Variants in ITGAX observed in about 807,000 individuals in gnomAD.
ITGAX encodes integrin alpha-X.
Under a neutral mutation model 140.2 loss-of-function variants are expected in ITGAX, and 99 were observed. The ratio of observed to expected loss-of-function variants is 0.71; its 90% CI spans 0.60 to 0.83. The LOEUF (loss-of-function observed/expected upper bound fraction) is 0.83. Ranked by LOEUF, ITGAX falls within the 40% of genes least tolerant of loss-of-function variation. The pLI is 0.00. For synonymous variants in ITGAX, 631 were observed against 600.4 expected (o/e 1.05, Z -0.75); for missense variants, 1,444 against 1,482.0 (o/e 0.97, Z 0.42).
chr16:31,382,688 A>C lies in ITGAX; in HGVS notation c.*781A>C, dbSNP rs1054406113. The C allele has an allele frequency of 6.6e-6, 4 of 606,114 alleles. No homozygotes were observed. In the African/African-American group the frequency reaches 7.4e-5, roughly 11 times the overall value. The allele number at this position is 606,114 out of a possible 1,614,324, so 37.5% of individuals were successfully genotyped here. On this transcript the variant is annotated 3_prime_UTR_variant, in exon 30 of 30. Coordinates refer to ENST00000268296, the MANE Select transcript of ITGAX (RefSeq NM_000887.5). Reference sequence around the variant, plus strand: ...GCTGAATTGGGAGTGAGATGCCTGCATGCTGGGTTCTGCACAGCTGGCCTC... The same window carrying C: ...GCTGAATTGGGAGTGAGATGCCTGCCTGCTGGGTTCTGCACAGCTGGCCTC...
At chr16:31,360,897 G>A in intron 8 of ITGAX, 166 bp from the exon 9 acceptor site, 2 of 642,966 alleles carry the variant, frequency 3.1e-6, no homozygotes, top group South Asian at 1.9e-5. Flanking sequence ...TGGAGACCAT[G>A]ATCCTTTCTC....
At chr16:31,372,337 C>CCT in intron 17 of ITGAX, 41 bp from the exon 18 acceptor site, 1 of 1,575,810 alleles carries the variant, frequency 6.3e-7, no homozygotes, top group Non-Finnish European at 8.5e-7. Flanking sequence ...CAGCTCTTAC[C>CCT]CTCCCCTTAC....
intron 14 of ITGAX, among the ~76,000 whole-genome samples, 160 bp from the exon 15 acceptor site, chr16:31,370,924 A>C (rs2080949536): frequency 6.6e-6 from 1 of 151,232 alleles, no homozygotes; most frequent in African/African-American, 2.4e-5. Flanking sequence ...TCATCTCCCA[A>C]CTCCTACCTC....
Position 31,363,018 on chromosome 16 carries a change from C to G in ITGAX, c.1443C>G (p.Pro481=). 6.2e-7 allele frequency: 1 copy of G among 1,611,806 alleles called. No homozygotes were observed. Among genetic ancestry groups the G allele is most frequent in the South Asian group, 1.1e-5 (1 of 90,978 alleles). The change falls in exon 13 of 30, where the codon CCC becomes CCG. Residue 481 remains proline, a synonymous_variant. Coordinates refer to ENST00000268296, the MANE Select transcript of ITGAX (RefSeq NM_000887.5). Reference sequence around the variant, plus strand: ...CCGACCTGGTCCTCATCGGGGCCCCCCATTACTACGAGCAGACCCGAGGGG... The same window carrying G: ...CCGACCTGGTCCTCATCGGGGCCCCGCATTACTACGAGCAGACCCGAGGGG... The part of the protein sequence containing the change: ...GSTDLVLIGA[P]HYYEQTRGGQ...
At chr16:31,373,204 C>T in intron 19 of ITGAX, 45 bp from the exon 20 acceptor site, 1 of 1,540,608 alleles carries the variant, frequency 6.5e-7, no homozygotes. Context: ...CATTTCTAGC[C>T]TCAGTCACAG....
chr16:31,365,319 A>C (rs191825533), intron 14 of ITGAX, among the ~76,000 whole-genome samples: 1 of 152,292 alleles, frequency 6.6e-6, no homozygotes, highest in Non-Finnish European at 1.5e-5. Flanking sequence ...AAACATACCA[A>C]AAGGCACTAA....
chr16:31,379,469 C>A (rs1464606477), intron 23 of ITGAX, 99 bp from the exon 24 acceptor site: 10 of 1,193,518 alleles, frequency 8.4e-6, no homozygotes, highest in Non-Finnish European at 1.2e-5. Context: ...CAGGACATTC[C>A]AAGGCCCCAC....
chr16:31,382,061 AG>A lies in ITGAX; in HGVS notation c.*158del. On this transcript the variant is annotated 3_prime_UTR_variant, in exon 30 of 30. Transcript: ENST00000268296. Reference sequence around the variant, plus strand: ...TTGGGAGAAAACGTCTTGCTTGGGAAGGGGCCTTTGTCTTGTCAAGGTTCCA... The same window carrying A: ...TTGGGAGAAAACGTCTTGCTTGGGAAGGGCCTTTGTCTTGTCAAGGTTCCA... 1 of 1,440,058 alleles carries A rather than the reference AG, an allele frequency of 6.9e-7. No homozygotes were observed. Among genetic ancestry groups the A allele is most frequent in the African/African-American group, 1.4e-5 (1 of 69,528 alleles). 89.2% of individuals were successfully genotyped at this position (1,440,058 alleles called of 1,614,324 possible). A position where few individuals can be genotyped will look rare whatever the true frequency, so the allele number is the denominator to read the frequency against.
At chr16:31,367,891 A>G (rs2080907518) in intron 14 of ITGAX, among the ~76,000 whole-genome samples, 1 of 152,240 alleles carries the variant, frequency 6.6e-6, no homozygotes, top group Non-Finnish European at 1.5e-5. Context: ...CTGGAAAAAA[A>G]TTCACCATTT....
chr16:31,356,455 C>T (rs901058675), intron 2 of ITGAX, among the ~76,000 whole-genome samples, 170 bp from the exon 3 acceptor site: 14 of 152,106 alleles, frequency 9.2e-5, no homozygotes, highest in Admixed American at 4.6e-4. Context: ...TGTCTCCATA[C>T]GCCAGAGAAT....
chr16:31,372,562 T>C (rs1366434521), intron 18 of ITGAX, 35 bp from the exon 19 acceptor site: 1 of 1,613,832 alleles, frequency 6.2e-7, no homozygotes, highest in Non-Finnish European at 8.5e-7. Flanking sequence ...GGGGCCTGGG[T>C]CTCGGAGAAA....
At chr16:31,361,247 C>A in intron 9 of ITGAX, 34 bp downstream of exon 9, 1 of 1,585,540 alleles carries the variant, frequency 6.3e-7, no homozygotes, top group South Asian at 1.1e-5. Flanking sequence ...CTTGGGGAAT[C>A]CTCAGCCGTT....
chr16:31,380,094 T>C (rs962294919), intron 26 of ITGAX, 29 bp downstream of exon 26: 5 of 1,598,156 alleles, frequency 3.1e-6, no homozygotes, highest in Non-Finnish European at 4.3e-6. Context: ...TGGCCCTCAC[T>C]GTAGGCCCCA....
chr16:31,378,902 G>A (rs184380745), intron 23 of ITGAX, among the ~76,000 whole-genome samples: 2 of 150,532 alleles, frequency 1.3e-5, no homozygotes, highest in Non-Finnish European at 2.9e-5. Context: ...TGCAACCTCC[G>A]CCTCCTGGCT....
Position 31,372,486 on chromosome 16 carries a change from G to T in ITGAX, c.2269G>T (p.Ala757Ser). The T allele has an allele frequency of 1.2e-6, 2 of 1,607,928 alleles. No homozygotes were observed. Among genetic ancestry groups the T allele is most frequent in the Non-Finnish European group, 1.7e-6 (2 of 1,178,520 alleles). The change falls in exon 18 of 30, where the codon GCT becomes TCT. Residue 757 changes from alanine to serine, a missense_variant. Physicochemically the swap from Ala to Ser is moderately conservative, Grantham distance 99. Coordinates refer to ENST00000268296, the MANE Select transcript of ITGAX (RefSeq NM_000887.5). ...RNLRPMLAAD[A>S]QRYFTASLPF... ...CCTGCGGCCTATGCTGGCCGCCGAT[G>T]CTCAGAGATACTTCACGGCCTCCGT...
Position 31,371,686 on chromosome 16 carries a change from C to G in ITGAX, c.2062C>G (p.Pro688Ala), listed in dbSNP as rs910848414. The G allele has an allele frequency of 1.9e-6, 3 of 1,614,032 alleles. No homozygotes were observed. In the African/African-American group the frequency reaches 4.0e-5, roughly 22 times the overall value. The part of the protein sequence containing the change: ...DLALDPGRLS[P>A]RATFQETKNR... ...GGCCCTCGACCCTGGCCGCCTGAGT[C>G]CCCGTGCCACCTTCCAGGAAACAAA... Residue 688 changes from proline (P) to alanine (A), a missense_variant, in exon 17 of 30, where the codon CCC becomes GCC. Coordinates refer to ENST00000268296, the MANE Select transcript of ITGAX (RefSeq NM_000887.5).
rs1597059157 is a variant in ITGAX at position 31,356,117 on chromosome 16, C to T, written c.143+119C>T. The T allele has an allele frequency of 3.6e-5, 25 of 693,522 alleles. No homozygotes were observed. In the South Asian group the frequency reaches 4.5e-4, roughly 12 times the overall value. The allele number at this position is 693,522 out of a possible 1,614,324, so 43.0% of individuals were successfully genotyped here. ...TCCTCTCTGTCTGGTGTAGCGACTG[C>T]CCTGGCTAATGAAGATTTGCCTTGA... On this transcript the variant is annotated intron_variant, in intron 2 of 29. Transcript: ENST00000268296.
In ITGAX at chr16:31,372,641, C is replaced by T; in HGVS notation, c.2337C>T (p.Asp779=). 6.2e-7 allele frequency: 1 copy of T among 1,614,138 alleles called. No homozygotes were observed. ...KNCGADHICQ[D]NLGISFSFPG... ...GTGGAGCCGACCATATCTGCCAGGACAATCTCGGCATCTCCTTCAGCTTCC... is the reference window on the plus strand; with the variant it reads ...GTGGAGCCGACCATATCTGCCAGGATAATCTCGGCATCTCCTTCAGCTTCC... The change falls in exon 19 of 30, where the codon GAC becomes GAT. Residue 779 remains aspartate (D), a synonymous_variant. Transcript: ENST00000268296.
rs58659724 is a variant in ITGAX at position 31,372,915 on chromosome 16, AAAC to A, written c.2366+271_2366+273del. On this transcript the variant is annotated intron_variant, in intron 19 of 29. Coordinates refer to ENST00000268296, the MANE Select transcript of ITGAX (RefSeq NM_000887.5). ...GCGAGATCCCATTTCCACAAAAACA[AAAC>A]AACAACAACAACAACAACAACAACA... is the stretch of plus-strand genomic sequence containing the variant. Among the ~76,000 whole-genome samples, 964 of 149,638 alleles carry A rather than the reference AAAC, an allele frequency of 6.4e-3. 13 individuals are homozygous for A. The highest frequency in any genetic ancestry group is 0.025 in the South Asian group (118 of 4,672).
Sources: allele counts gnomAD v4.1 joint callset (sites outside exome capture counted in the v4.1 genomes callset), GRCh38; gene constraint gnomAD v4.1.1; transcripts MANE v1.5; gene names NCBI Gene and HGNC (gene_info 2026-07-23, HGNC 2026-07-21).